Variants in CCDC32 observed in about 807,000 individuals in gnomAD.
The protein encoded by CCDC32 is coiled-coil domain-containing protein 32.
Under a neutral mutation model 20.1 loss-of-function variants are expected in CCDC32, and 9 were observed. That is an observed-to-expected ratio of 0.45 (90% CI 0.27 to 0.78). The LOEUF is 0.78. CCDC32 is among the 30% of genes least tolerant of loss of function. The pLI, the probability that CCDC32 is intolerant of heterozygous loss-of-function variation, is 0.16. For synonymous variants in CCDC32, 63 were observed against 79.0 expected (o/e 0.80, Z 1.07); for missense variants, 204 against 215.5 (o/e 0.95, Z 0.33).
chr15:40,549,315 T>G (rs962256419), downstream of CCDC32, among the ~76,000 whole-genome samples: 2 of 152,244 alleles, frequency 1.3e-5, no homozygotes, highest in African/African-American at 4.8e-5. Flanking sequence ...GTGCTCCAGC[T>G]ACACTGAACT....
chr15:40,564,699 T>A, intron 1 of CCDC32: 1 of 1,609,410 alleles, frequency 6.2e-7, no homozygotes, highest in South Asian at 1.1e-5. Context: ...TGAACTGATG[T>A]CTAGCGCTAC....
chr15:40,535,621 A>T (rs940682107), downstream of CCDC32: 51 of 985,264 alleles, frequency 5.2e-5, no homozygotes, highest in Non-Finnish European at 5.9e-5. Flanking sequence ...AAAAAAAAAA[A>T]AGAAAAAAAA....
chr15:40,539,213 C>T, downstream of CCDC32: 1 of 1,528,310 alleles, frequency 6.5e-7, no homozygotes, highest in Non-Finnish European at 8.8e-7. Flanking sequence ...TCTGCACATC[C>T]CTGCCTGGCC....
the CCDC32 span, among the ~76,000 whole-genome samples, chr15:40,522,410 T>C: frequency 1.3e-5 from 2 of 152,252 alleles, no homozygotes; most frequent in South Asian, 2.1e-4. Context: ...ACTTTGTTCT[T>C]CTTTTTCAAG....
At position 40,553,663 on chromosome 15, in the gene CCDC32, T is replaced by G; in HGVS notation, c.*308A>C. On this transcript the variant is annotated 3_prime_UTR_variant, in exon 4 of 4. Transcript: ENST00000416810. ...TTTGATCTTTAGCAGACTTCTAACC[T>G]GCAGAGACAGAGCTCAGCCAAGCTG... The G allele has an allele frequency of 8.7e-7, 1 of 1,149,414 alleles. No homozygotes were observed. Among genetic ancestry groups the G allele is most frequent in the Non-Finnish European group, 1.1e-6 (1 of 936,830 alleles). The allele number at this position is 1,149,414 out of a possible 1,614,324, so 71.2% of individuals were successfully genotyped here. A position where few individuals can be genotyped will look rare whatever the true frequency, so the allele number is the denominator to read the frequency against.
chr15:40,562,071 T>C (rs1041556508), intron 2 of CCDC32: 5 of 126,560 alleles, frequency 4.0e-5, no homozygotes, highest in African/African-American at 1.4e-4. Flanking sequence ...AATCTATTTA[T>C]GTAAGTTTTT....
chr15:40,525,884 G>C (rs12595610), downstream of CCDC32, among the ~76,000 whole-genome samples: 71,809 of 151,954 alleles, frequency 0.47, 19,262 homozygotes, highest in East Asian at 0.75. Context: ...TCATACTTTG[G>C]TGTCTCTCCT....
chr15:40,527,963 A>G (rs1315797750), downstream of CCDC32, among the ~76,000 whole-genome samples: 1 of 152,226 alleles, frequency 6.6e-6, no homozygotes, highest in Non-Finnish European at 1.5e-5. Flanking sequence ...TTCCGCTACT[A>G]CTAGTGTACA....
intron 2 of CCDC32, 92 bp downstream of exon 2, chr15:40,562,680 G>A (rs915704810): frequency 5.0e-6 from 7 of 1,393,040 alleles, no homozygotes; most frequent in African/African-American, 2.9e-5. Context: ...TGACAGATAC[G>A]TGTGACAGGA....
chr15:40,542,012 C>G (rs1057271866), intron 3 of CCDC32, among the ~76,000 whole-genome samples: 2 of 152,204 alleles, frequency 1.3e-5, no homozygotes, highest in African/African-American at 4.8e-5. Flanking sequence ...GCTGACTTAA[C>G]AGCAGCAAGC....
chr15:40,562,449 A>C (rs180955646), intron 2 of CCDC32, among the ~76,000 whole-genome samples: 1 of 152,166 alleles, frequency 6.6e-6, no homozygotes, highest in African/African-American at 2.4e-5. Flanking sequence ...GCATTGTGCC[A>C]GGCGCCTGTA....
intron 2 of CCDC32, among the ~76,000 whole-genome samples, chr15:40,559,450 A>G (rs1005212365): frequency 3.9e-5 from 6 of 152,162 alleles, no homozygotes; most frequent in Non-Finnish European, 5.9e-5. Context: ...ATCTCGTTCT[A>G]TAGCTTTATC....
chr15:40,539,633 G>T (rs1364935129), intron 3 of CCDC32, among the ~76,000 whole-genome samples: 1 of 152,160 alleles, frequency 6.6e-6, no homozygotes, highest in Non-Finnish European at 1.5e-5. Flanking sequence ...GAGAGGAAAA[G>T]CAGAGACCAA....
At chr15:40,550,357 C>T (rs972738881), downstream of CCDC32, among the ~76,000 whole-genome samples, 3 of 152,180 alleles carry the variant, frequency 2.0e-5, no homozygotes, top group African/African-American at 4.8e-5. Context: ...GTTGAGGAAG[C>T]CCTAACTGGA....
At chr15:40,527,821 C>G (rs1159525855), downstream of CCDC32, among the ~76,000 whole-genome samples, 1 of 152,168 alleles carries the variant, frequency 6.6e-6, no homozygotes, top group Non-Finnish European at 1.5e-5. Flanking sequence ...AGCCCCTTGA[C>G]CTTGGACTTC....
intron 3 of CCDC32, among the ~76,000 whole-genome samples, chr15:40,547,377 T>C (rs937281815): frequency 3.3e-5 from 5 of 152,138 alleles, no homozygotes; most frequent in Non-Finnish European, 7.4e-5. Flanking sequence ...GGCTTCAGTC[T>C]TAAATAGGTC....
At chr15:40,541,864 G>A (rs1238456049) in intron 3 of CCDC32, among the ~76,000 whole-genome samples, 1 of 152,188 alleles carries the variant, frequency 6.6e-6, no homozygotes, top group African/African-American at 2.4e-5. Flanking sequence ...GTCCCTCAGG[G>A]TTGAGCTAAG....
At chr15:40,552,485 A>C (rs1237116059), downstream of CCDC32, among the ~76,000 whole-genome samples, 1 of 26,502 alleles carries the variant, frequency 3.8e-5, no homozygotes. Flanking sequence ...CCATCTCAAA[A>C]AAAAAAAAAA....
At chr15:40,549,468 C>A (rs1433006049), downstream of CCDC32, among the ~76,000 whole-genome samples, 2 of 152,198 alleles carry the variant, frequency 1.3e-5, no homozygotes, top group African/African-American at 2.4e-5. Context: ...GCTCCCCTAA[C>A]ACGGCCTCTC....
Sources: allele counts gnomAD v4.1 joint callset (sites outside exome capture counted in the v4.1 genomes callset), GRCh38; gene constraint gnomAD v4.1.1; transcripts MANE v1.5; gene names NCBI Gene and HGNC (gene_info 2026-07-23, HGNC 2026-07-21).